The following ADAM10 variants were observed in gnomAD, a reference collection of about 807,000 sequenced individuals.
ADAM10 encodes disintegrin and metalloproteinase domain-containing protein 10.
ADAM10 carries 17 observed loss-of-function variants against 90.1 expected under a neutral mutation model. The observed-to-expected ratio is 0.19, with a 90% CI of 0.13 to 0.28. The LOEUF (loss-of-function observed/expected upper bound fraction) is 0.28, where lower values mean the gene tolerates loss of function less well. Ranked by LOEUF, ADAM10 falls within the 10% of genes least tolerant of loss-of-function variation. The pLI, the probability that ADAM10 is intolerant of heterozygous loss-of-function variation, is 1.00. For synonymous variants in ADAM10, 310 were observed against 298.6 expected, an observed-to-expected ratio of 1.04 and a Z score of -0.40; for missense variants, 610 against 914.3, an observed-to-expected ratio of 0.67 and a Z score of 4.29.
In ADAM10 at chr15:58,749,473, G is replaced by T. The variant is rs1288334792; in HGVS notation, c.55+7C>A. 1 of 1,544,602 alleles carries T rather than the reference G, an allele frequency of 6.5e-7. No homozygotes were observed. The highest frequency in any genetic ancestry group is 2.0e-5 in the Admixed American group (1 of 50,880). ...CGGCGCCCCCGGCGCTCGCAGTCGT[G>T]CCTCACCTCCCATCCCCGCCGCCCA... On this transcript the variant is annotated splice_region_variant and intron_variant, in intron 1 of 15. Transcript: ENST00000260408.
At chr15:58,624,031 A>T (rs1453690860) in intron 10 of ADAM10, among the ~76,000 whole-genome samples, 1 of 151,736 alleles carries the variant, frequency 6.6e-6, no homozygotes, top group African/African-American at 2.4e-5. Flanking sequence ...ACGCCTGTAA[A>T]TGCCAGCACT....
intron 2 of ADAM10, among the ~76,000 whole-genome samples, chr15:58,712,146 G>C (rs1898494673): frequency 6.6e-6 from 1 of 152,106 alleles, no homozygotes. Context: ...AGGTGATACA[G>C]AGATATTCCA....
rs192611393 is a variant in ADAM10 at position 58,589,508 on chromosome 15, C to A, written c.*8039G>T. 1.3e-5 allele frequency: 2 copies of A among 152,346 alleles called. No homozygotes were observed. The allele number at this position is 152,346 out of a possible 1,614,324, so 9.4% of individuals were successfully genotyped here. A position where few individuals can be genotyped will look rare whatever the true frequency, so the allele number is the denominator to read the frequency against. The stretch of plus-strand genomic sequence containing the variant: ...GTGTTTGTAGAGTTTCCAACACAAA[C>A]CCCTCTGTACTGTAACTGCTGGTTT... On this transcript the variant is annotated 3_prime_UTR_variant, in exon 16 of 16. Coordinates refer to ENST00000260408, the MANE Select transcript of ADAM10 (RefSeq NM_001110.4).
chr15:58,635,274 C>CAAAAAAAAAAA (rs58106236), intron 8 of ADAM10, among the ~76,000 whole-genome samples: 1 of 65,908 alleles, frequency 1.5e-5, no homozygotes, highest in African/African-American at 7.5e-5. Context: ...GACTCTGTCT[C>CAAAAAAAAAAA]AAAAAAAAAA....
chr15:58,737,423 C>T (rs1442688617), intron 1 of ADAM10, among the ~76,000 whole-genome samples: 1 of 152,022 alleles, frequency 6.6e-6, no homozygotes, highest in Non-Finnish European at 1.5e-5. Context: ...ACTGTAAGTA[C>T]AAAGAACCTA....
intron 5 of ADAM10, among the ~76,000 whole-genome samples, chr15:58,661,626 T>C (rs1315010412): frequency 4.6e-5 from 7 of 152,158 alleles, no homozygotes; most frequent in Admixed American, 3.3e-4. Context: ...TACCCTGGTA[T>C]GGTTTTCTTT....
chr15:58,633,494 T>G (rs934399401), intron 8 of ADAM10, 135 bp from the exon 9 acceptor site: 1 of 758,658 alleles, frequency 1.3e-6, no homozygotes, highest in Non-Finnish European at 2.1e-6. Context: ...GTATCACATA[T>G]GCAAAAGTTT....
At chr15:58,621,261 T>TC in intron 11 of ADAM10, among the ~76,000 whole-genome samples, 1 of 26,600 alleles carries the variant, frequency 3.8e-5, no homozygotes, top group South Asian at 1.4e-3. Flanking sequence ...AGACCCTGTC[T>TC]CAAAAAAAAA....
In ADAM10 at chr15:58,592,198, T is replaced by C. The variant is rs1051581543; in HGVS notation, c.*5349A>G. 6.6e-6 allele frequency: 1 copy of C among 152,256 alleles called. No homozygotes were observed. The highest frequency in any genetic ancestry group is 1.5e-5 in the Non-Finnish European group (1 of 68,040). The allele number at this position is 152,256 out of a possible 1,614,324, so 9.4% of individuals were successfully genotyped here. A position where few individuals can be genotyped will look rare whatever the true frequency, so the allele number is the denominator to read the frequency against. On this transcript the variant is annotated 3_prime_UTR_variant, in exon 16 of 16. Coordinates refer to ENST00000260408, the MANE Select transcript of ADAM10 (RefSeq NM_001110.4). ...TACTTCCATTAGGAGGCACAAAATC[T>C]GATTGCTCTCACTTTGTGAGGTTAG...
At chr15:58,721,385 T>C (rs1224284745) in intron 1 of ADAM10, among the ~76,000 whole-genome samples, 5 of 152,318 alleles carry the variant, frequency 3.3e-5, no homozygotes, top group Non-Finnish European at 7.4e-5. Flanking sequence ...TGAATGTTTA[T>C]CTTAATTATG....
At chr15:58,725,368 CAAA>C (rs566581100) in intron 1 of ADAM10, among the ~76,000 whole-genome samples, 2 of 110,808 alleles carry the variant, frequency 1.8e-5, no homozygotes, top group African/African-American at 3.2e-5. Flanking sequence ...TTGTCTCTAC[CAAA>C]AAAAAAAAAA....
intron 1 of ADAM10, among the ~76,000 whole-genome samples, chr15:58,720,277 G>A (rs898258385): frequency 3.3e-5 from 5 of 152,148 alleles, no homozygotes; most frequent in Non-Finnish European, 7.3e-5. Context: ...CAAGAGAGGT[G>A]AGAAGAATGA....
At chr15:58,602,188 G>A (rs1369183096) in intron 14 of ADAM10, among the ~76,000 whole-genome samples, 2 of 151,556 alleles carry the variant, frequency 1.3e-5, no homozygotes, top group African/African-American at 4.9e-5. Context: ...TGTGTTTTTT[G>A]GACATGTCCT....
At chr15:58,691,112 G>A (rs1897770107) in intron 2 of ADAM10, 2 of 674,536 alleles carry the variant, frequency 3.0e-6, no homozygotes, top group South Asian at 2.7e-5. Flanking sequence ...TCTAGCTGTA[G>A]GTGCTGGTCA....
chr15:58,634,573 T>C (rs184427441), intron 8 of ADAM10, among the ~76,000 whole-genome samples: 54 of 152,258 alleles, frequency 3.5e-4, no homozygotes, highest in Admixed American at 5.2e-4. Context: ...AAAATAATAA[T>C]AGGAAAATCA....
intron 2 of ADAM10, chr15:58,691,097 G>T: frequency 3.0e-6 from 2 of 657,436 alleles, no homozygotes; most frequent in South Asian, 2.8e-5. Context: ...ACTTCATATT[G>T]GCTATCTAGC....
chr15:58,642,007 A>C (rs1269355491), intron 7 of ADAM10, among the ~76,000 whole-genome samples: 3 of 152,222 alleles, frequency 2.0e-5, no homozygotes, highest in Admixed American at 6.5e-5. Flanking sequence ...ATTAACAATT[A>C]ACGAAAAACA....
chr15:58,635,207 G>A (rs557209121), intron 8 of ADAM10, among the ~76,000 whole-genome samples: 1 of 146,792 alleles, frequency 6.8e-6, no homozygotes, highest in East Asian at 2.0e-4. Flanking sequence ...CCCAGGAAGT[G>A]GAGCTTGCAG....
intron 1 of ADAM10, among the ~76,000 whole-genome samples, chr15:58,745,159 G>A (rs758510035): frequency 3.3e-5 from 5 of 152,114 alleles, no homozygotes; most frequent in Non-Finnish European, 5.9e-5. Context: ...CTCCAGCCTG[G>A]GTGACAGAGC....
Sources: allele counts gnomAD v4.1 joint callset (sites outside exome capture counted in the v4.1 genomes callset), GRCh38; gene constraint gnomAD v4.1.1; transcripts MANE v1.5; gene names NCBI Gene and HGNC (gene_info 2026-07-23, HGNC 2026-07-21).